Variants in LINGO2 observed in about 807,000 individuals in gnomAD.
The protein encoded by LINGO2 is leucine-rich repeat and immunoglobulin-like domain-containing nogo receptor-interacting protein 2.
A neutral mutation model predicts 30.6 loss-of-function variants in LINGO2; 14 were observed. That is an observed-to-expected ratio of 0.46 (90% CI 0.30 to 0.72). The LOEUF (loss-of-function observed/expected upper bound fraction) is 0.72. Ranked by LOEUF, LINGO2 falls within the 30% of genes least tolerant of loss-of-function variation. The pLI, the probability that LINGO2 is intolerant of heterozygous loss-of-function variation, is 0.07. For synonymous variants in LINGO2, 317 were observed against 288.5 expected, an observed-to-expected ratio of 1.10 and a Z score of -1.00; for missense variants, 729 against 751.7, an observed-to-expected ratio of 0.97 and a Z score of 0.35.
At chr9:28,927,848 T>C in the LINGO2 span, among the ~76,000 whole-genome samples, 31 of 152,328 alleles carry the variant, frequency 2.0e-4, no homozygotes, top group Middle Eastern at 3.4e-3. Context: ...CTGACATTCA[T>C]TGAAGTTAAG....
the LINGO2 span, among the ~76,000 whole-genome samples, chr9:29,171,689 G>A: frequency 6.6e-6 from 1 of 151,736 alleles, no homozygotes; most frequent in Non-Finnish European, 1.5e-5. Flanking sequence ...TAAGGTAGAG[G>A]AATATCACTT....
chr9:28,672,054 GC>G (rs1459466828), upstream of LINGO2, among the ~76,000 whole-genome samples: 1 of 151,986 alleles, frequency 6.6e-6, no homozygotes, highest in Non-Finnish European at 1.5e-5. Context: ...ATGCTTTATA[GC>G]CAAATAAATT....
the LINGO2 span, among the ~76,000 whole-genome samples, chr9:29,184,044 G>C: frequency 6.6e-6 from 1 of 152,032 alleles, no homozygotes; most frequent in Non-Finnish European, 1.5e-5. Context: ...GAAGGAACAC[G>C]CTCTTATCTA....
chr9:28,179,146 A>C (rs961835551), intron 4 of LINGO2, among the ~76,000 whole-genome samples: 1 of 151,524 alleles, frequency 6.6e-6, no homozygotes, highest in Admixed American at 6.6e-5. Flanking sequence ...CCTATATTTT[A>C]TTGGAAACTT....
the LINGO2 span, among the ~76,000 whole-genome samples, chr9:28,693,833 C>T: frequency 6.6e-6 from 1 of 151,878 alleles, no homozygotes; most frequent in Admixed American, 6.6e-5. Context: ...TTTATAATCC[C>T]TGAGTAAATG....
At chr9:28,502,836 C>T (rs377180699) in intron 1 of LINGO2, among the ~76,000 whole-genome samples, 5 of 152,064 alleles carry the variant, frequency 3.3e-5, no homozygotes, top group East Asian at 1.9e-4. Flanking sequence ...AATGTACTTT[C>T]GGGAGAGTAG....
intron 3 of LINGO2, among the ~76,000 whole-genome samples, chr9:28,317,340 T>A (rs1235642987): frequency 6.6e-6 from 1 of 152,198 alleles, no homozygotes; most frequent in African/African-American, 2.4e-5. Context: ...AAGTTTCTGA[T>A]GAAGATTTCT....
At chr9:28,793,899 T>C in the LINGO2 span, among the ~76,000 whole-genome samples, 30 of 152,202 alleles carry the variant, frequency 2.0e-4, no homozygotes, top group African/African-American at 6.0e-4. Context: ...CTACACTATT[T>C]AAGGAACTGG....
At chr9:28,042,515 G>T (rs1417860051) in intron 4 of LINGO2, among the ~76,000 whole-genome samples, 1 of 152,130 alleles carries the variant, frequency 6.6e-6, no homozygotes, top group South Asian at 2.1e-4. Context: ...CTATAGAAGA[G>T]GAAGTGTTAT....
the LINGO2 span, among the ~76,000 whole-genome samples, chr9:28,970,119 A>G: frequency 1.3e-5 from 2 of 152,070 alleles, no homozygotes; most frequent in Non-Finnish European, 2.9e-5. Flanking sequence ...TAGTGAAGAG[A>G]AGAGATGAGG....
the LINGO2 span, among the ~76,000 whole-genome samples, chr9:29,091,489 G>A: frequency 6.6e-6 from 1 of 152,012 alleles, no homozygotes; most frequent in African/African-American, 2.4e-5. Context: ...TCAGATGAGT[G>A]TACAACAGCT....
chr9:29,170,083 A>T, the LINGO2 span, among the ~76,000 whole-genome samples: 1 of 152,186 alleles, frequency 6.6e-6, no homozygotes, highest in African/African-American at 2.4e-5. Flanking sequence ...TATTCAATTC[A>T]GCAATCCTAC....
intron 4 of LINGO2, among the ~76,000 whole-genome samples, chr9:28,247,370 C>G (rs1183955145): frequency 6.6e-6 from 1 of 152,054 alleles, no homozygotes; most frequent in Non-Finnish European, 1.5e-5. Context: ...CAATGATAGA[C>G]TGGATAAAGA....
chr9:28,176,459 T>C (rs1458793469), intron 4 of LINGO2, among the ~76,000 whole-genome samples: 1 of 152,182 alleles, frequency 6.6e-6, no homozygotes, highest in Non-Finnish European at 1.5e-5. Context: ...ATTTTCTCCA[T>C]TAGATGGTTA....
chr9:28,127,424 G>A (rs773085138), intron 4 of LINGO2, among the ~76,000 whole-genome samples: 45 of 152,206 alleles, frequency 3.0e-4, no homozygotes, highest in Admixed American at 9.2e-4. Context: ...AAGCAGAGAT[G>A]AGCATTTCCA....
At chr9:28,677,288 T>G in the LINGO2 span, among the ~76,000 whole-genome samples, 2 of 152,162 alleles carry the variant, frequency 1.3e-5, no homozygotes, top group African/African-American at 4.8e-5. Context: ...ATAACAATTG[T>G]GCGGACATGT....
At position 28,125,654 on chromosome 9, in the gene LINGO2, G is replaced by A. The variant is rs956947444; in HGVS notation, c.-86-113249C>T. Among the ~76,000 whole-genome samples, 9 of 152,048 alleles carry A rather than the reference G, an allele frequency of 5.9e-5. No homozygotes were observed. The South Asian group carries it at 6.2e-4, about 11-fold the overall frequency. On this transcript the variant is annotated intron_variant, in intron 4 of 5. Coordinates refer to ENST00000379992, the Ensembl canonical transcript of LINGO2. ...TCAGTTCCAGATCATTAAGGCCCAC[G>A]TAGATTTCCAAGACCAGAACTCAGG...
intron 5 of LINGO2, among the ~76,000 whole-genome samples, chr9:27,986,312 G>T (rs992659875): frequency 3.3e-5 from 5 of 151,666 alleles, no homozygotes; most frequent in Non-Finnish European, 5.9e-5. Context: ...AAACAAAAAA[G>T]AAAAGGAAAA....
chr9:28,617,147 C>T (rs997205381), intron 1 of LINGO2, among the ~76,000 whole-genome samples: 1 of 152,032 alleles, frequency 6.6e-6, no homozygotes, highest in Non-Finnish European at 1.5e-5. Context: ...TAGCTAATAA[C>T]ATATTAAAAC....
Sources: allele counts gnomAD v4.1 joint callset (sites outside exome capture counted in the v4.1 genomes callset), GRCh38; gene constraint gnomAD v4.1.1; transcripts MANE v1.5; gene names NCBI Gene and HGNC (gene_info 2026-07-23, HGNC 2026-07-21).